AMOTL1: variants seen among roughly 807,000 people sequenced by gnomAD.
AMOTL1 encodes angiomotin-like protein 1.
Under a neutral mutation model 102.9 loss-of-function variants are expected in AMOTL1, and 45 were observed. The observed-to-expected ratio is 0.44, with a 90% CI of 0.34 to 0.56. The LOEUF (loss-of-function observed/expected upper bound fraction) is 0.56. Ranked by LOEUF, AMOTL1 falls within the 20% of genes least tolerant of loss-of-function variation. The pLI, the probability that AMOTL1 is intolerant of heterozygous loss-of-function variation, is 0.01. For missense variants in AMOTL1, 1,114 were observed against 1,225.6 expected (o/e 0.91, Z 1.36); for synonymous variants, 481 against 484.7 (o/e 0.99, Z 0.10).
At chr11:94,828,795 C>T (rs183556980) in intron 4 of AMOTL1, among the ~76,000 whole-genome samples, 2 of 152,260 alleles carry the variant, frequency 1.3e-5, no homozygotes, top group East Asian at 3.9e-4. Flanking sequence ...CTCCTGGTGC[C>T]ATTGCTGTCT....
intron 3 of AMOTL1, among the ~76,000 whole-genome samples, chr11:94,809,170 C>T (rs903060452): frequency 6.6e-6 from 1 of 151,936 alleles, no homozygotes; most frequent in African/African-American, 2.4e-5. Flanking sequence ...GGAGTTTTAC[C>T]ATGTTGATCA....
chr11:94,764,066 C>T (rs1052443867), upstream of AMOTL1, among the ~76,000 whole-genome samples: 2 of 152,160 alleles, frequency 1.3e-5, no homozygotes, highest in Non-Finnish European at 2.9e-5. Flanking sequence ...TGTGTCCATG[C>T]CTTTGCTCGA....
chr11:94,740,849 C>G (rs1950511517), intron 2 of AMOTL1: 12 of 1,123,350 alleles, frequency 1.1e-5, no homozygotes, highest in Admixed American at 4.8e-5. Flanking sequence ...CCGCGCTTTT[C>G]CCGGGGACCT....
Position 94,854,257 on chromosome 11 carries a change from T to C in AMOTL1, c.1944+175T>C, listed in dbSNP as rs76989758. 4.3e-4 allele frequency among the ~76,000 whole-genome samples: 65 copies of C among 152,264 alleles called. No individual in the cohort carries two copies. In the East Asian group the frequency reaches 0.01, roughly 24 times the overall value. ...CCAGGAGAGAAGGCGAGCAGTCCGC[T>C]CACTGGAGTGACAGATGTCCTCACA... On this transcript the variant is annotated intron_variant, in intron 8 of 12. Transcript: ENST00000433060.
rs139273908 is a variant in AMOTL1 at position 94,707,099 on chromosome 11, C to G, written c.-51+502C>G. On this transcript the variant is annotated intron_variant, in intron 1 of 4. Coordinates refer to the AMOTL1 transcript ENST00000299004. ...AAAAAAGGGGCCCAGGATGCCTGTT[C>G]TGACATGCAGGTACCTTGTTCAAAC... 8.7e-3 allele frequency among the ~76,000 whole-genome samples: 1,319 copies of G among 152,250 alleles called. 18 individuals carry two copies. The highest frequency in any genetic ancestry group is 0.03 in the African/African-American group (1,263 of 41,516).
rs1287798861 is a variant in AMOTL1, at chr11:94,869,226, G to A, written c.2517G>A (p.Glu839=). The change falls in exon 12 of 13, where the codon GAG becomes GAA. Residue 839 remains glutamate (E), a synonymous_variant. Transcript: ENST00000433060. ...IGLLLGKEHH[E]HASAPLLPPP... ...TGCTGCTGGGGAAGGAGCACCATGA[G>A]CATGCCTCTGCCCCACTGCTGCCAC... 6.2e-7 allele frequency: 1 copy of A among 1,606,236 alleles called. No homozygotes were observed. The highest frequency in any genetic ancestry group is 8.5e-7 in the Non-Finnish European group (1 of 1,174,182).
chr11:94,768,595 T>G (rs761031911), intron 1 of AMOTL1, 35 bp downstream of exon 1: 1 of 1,569,400 alleles, frequency 6.4e-7, no homozygotes, highest in South Asian at 1.2e-5. Flanking sequence ...CGGGAGGGCG[T>G]CTCCGAGTCT....
chr11:94,719,900 C>T (rs941526751), intron 1 of AMOTL1, among the ~76,000 whole-genome samples: 2 of 152,034 alleles, frequency 1.3e-5, no homozygotes, highest in Non-Finnish European at 2.9e-5. Flanking sequence ...TTAAGAAATA[C>T]GGGCACCCAA....
At chr11:94,752,433 T>C (rs1376823281) in intron 3 of AMOTL1, among the ~76,000 whole-genome samples, 1 of 152,204 alleles carries the variant, frequency 6.6e-6, no homozygotes, top group Non-Finnish European at 1.5e-5. Flanking sequence ...GGGGAAAACA[T>C]GTTCAGGGAT....
chr11:94,806,215 G>T (rs1280504371), intron 3 of AMOTL1, among the ~76,000 whole-genome samples: 1 of 152,180 alleles, frequency 6.6e-6, no homozygotes, highest in Admixed American at 6.5e-5. Context: ...GCCCAGCAGT[G>T]CAGCAAGTCC....
At chr11:94,821,079 C>G (rs1951856256) in intron 3 of AMOTL1, among the ~76,000 whole-genome samples, 1 of 152,140 alleles carries the variant, frequency 6.6e-6, no homozygotes, top group Non-Finnish European at 1.5e-5. Flanking sequence ...ACTTCTTCAC[C>G]CGCTCTGTCC....
intron 3 of AMOTL1, among the ~76,000 whole-genome samples, chr11:94,760,391 T>G (rs1025189994): frequency 6.6e-6 from 1 of 152,192 alleles, no homozygotes; most frequent in African/African-American, 2.4e-5. Context: ...ACAAGTAACA[T>G]TCCTAAAGAG....
Position 94,830,112 on chromosome 11 carries a change from G to C in AMOTL1, c.1476G>C (p.Lys492Asn), listed in dbSNP as rs752040876. 9 of 1,610,582 alleles carry C rather than the reference G, an allele frequency of 5.6e-6. No homozygotes were observed. The highest frequency in any genetic ancestry group is 2.2e-5 in the East Asian group (1 of 44,832). Residue 492 changes from lysine to asparagine, a missense_variant, in exon 5 of 13, where the codon AAG becomes AAC. Lys to Asn is a moderately conservative substitution (Grantham distance 94). Transcript: ENST00000433060. ...AAAGTCTGGTCAAGTCTACCACCAA[G>C]CGAGAATCGCTGGACAAGGCCATGA... is the stretch of plus-strand genomic sequence containing the variant. Reference protein sequence around the residue: ...AYESLVKSTTKRESLDKAMRN... With the variant: ...AYESLVKSTTNRESLDKAMRN...
At chr11:94,738,700 A>T (rs1444251634) in intron 2 of AMOTL1, among the ~76,000 whole-genome samples, 4 of 152,220 alleles carry the variant, frequency 2.6e-5, no homozygotes, top group Non-Finnish European at 5.9e-5. Flanking sequence ...AGTAAGAGAG[A>T]AATAATAATG....
chr11:94,864,202 G>T (rs1181679151), intron 9 of AMOTL1, among the ~76,000 whole-genome samples: 2 of 151,924 alleles, frequency 1.3e-5, no homozygotes, highest in African/African-American at 4.8e-5. Flanking sequence ...GAAAAGTGAG[G>T]TATAGGACAA....
At chr11:94,860,089 G>A (rs1180390849) in intron 9 of AMOTL1, among the ~76,000 whole-genome samples, 1 of 152,122 alleles carries the variant, frequency 6.6e-6, no homozygotes, top group East Asian at 1.9e-4. Flanking sequence ...ATAACACAGT[G>A]GAATACTGTG....
intron 4 of AMOTL1, among the ~76,000 whole-genome samples, chr11:94,827,476 G>T (rs1224185868): frequency 1.3e-5 from 2 of 152,220 alleles, no homozygotes; most frequent in African/African-American, 2.4e-5. Flanking sequence ...AGAAGTGTTA[G>T]TGTGTCTGGG....
chr11:94,783,301 A>G (rs1000831148), intron 1 of AMOTL1, among the ~76,000 whole-genome samples: 2 of 152,116 alleles, frequency 1.3e-5, no homozygotes, highest in Non-Finnish European at 2.9e-5. Flanking sequence ...ACAGAACAAT[A>G]CCCTCCACAT....
intron 3 of AMOTL1, among the ~76,000 whole-genome samples, chr11:94,814,180 A>C (rs1315400910): frequency 6.6e-6 from 1 of 152,176 alleles, no homozygotes; most frequent in Non-Finnish European, 1.5e-5. Context: ...AAAACCAAGG[A>C]GAGAGGCTGA....
Sources: gnomAD v4.1 joint callset for allele counts (sites outside exome capture counted in the v4.1 genomes callset) on GRCh38, gnomAD v4.1.1 for gene constraint, MANE v1.5 for transcripts, NCBI Gene and HGNC (gene_info 2026-07-23, HGNC 2026-07-21) for gene names.